EYS: variants seen among roughly 807,000 people sequenced by gnomAD.
The protein encoded by EYS is protein eyes shut homolog.
A neutral mutation model predicts 282.1 loss-of-function variants in EYS; 250 were observed. That is an observed-to-expected ratio of 0.89 (90% CI 0.80 to 0.98). The LOEUF is 0.98. Ranked by LOEUF, EYS falls within the 50% of genes least tolerant of loss-of-function variation. The pLI, the probability that EYS is intolerant of heterozygous loss-of-function variation, is 0.00. For synonymous variants in EYS, 1,355 were observed against 1,282.9 expected (o/e 1.06, Z -1.20); for missense variants, 4,016 against 3,709.0 (o/e 1.08, Z -2.15).
At chr6:64,091,881 C>T (rs1772375282) in intron 31 of EYS, among the ~76,000 whole-genome samples, 1 of 152,076 alleles carries the variant, frequency 6.6e-6, no homozygotes, top group Admixed American at 6.6e-5. Flanking sequence ...GGTATATCTC[C>T]TAATGCTATC....
intron 12 of EYS, among the ~76,000 whole-genome samples, chr6:65,059,389 C>T (rs958540315): frequency 5.9e-5 from 9 of 151,852 alleles, no homozygotes; most frequent in Non-Finnish European, 1.3e-4. Context: ...GCTATTTAGC[C>T]TTAACAAAAA....
intron 30 of EYS, among the ~76,000 whole-genome samples, chr6:64,261,412 C>G (rs568757776): frequency 6.6e-6 from 1 of 152,192 alleles, no homozygotes; most frequent in East Asian, 1.9e-4. Flanking sequence ...AAGATATAGA[C>G]ACGTAAATAA....
intron 19 of EYS, among the ~76,000 whole-genome samples, chr6:64,832,134 G>T (rs1037181116): frequency 6.6e-6 from 1 of 151,900 alleles, no homozygotes; most frequent in African/African-American, 2.4e-5. Flanking sequence ...TGAGGGCCCT[G>T]TGTATTAACT....
chr6:65,598,078 C>A (rs1335380015), intron 2 of EYS, among the ~76,000 whole-genome samples: 2 of 151,690 alleles, frequency 1.3e-5, no homozygotes, highest in Admixed American at 6.6e-5. Context: ...CTAAACCTGG[C>A]AACAGAACGA....
intron 2 of EYS, among the ~76,000 whole-genome samples, chr6:65,527,645 G>A (rs2127304405): frequency 6.6e-6 from 1 of 152,298 alleles, no homozygotes; most frequent in Non-Finnish European, 1.5e-5. Flanking sequence ...ATTTCCACTA[G>A]TCTATGTCTG....
chr6:64,495,512 T>C (rs187555553), intron 26 of EYS, among the ~76,000 whole-genome samples: 13 of 151,918 alleles, frequency 8.6e-5, no homozygotes, highest in African/African-American at 2.4e-4. Flanking sequence ...AACTCTTAAA[T>C]GAGTGAGACC....
At chr6:65,649,131 C>T (rs1361790355) in intron 1 of EYS, among the ~76,000 whole-genome samples, 3 of 101,864 alleles carry the variant, frequency 2.9e-5, no homozygotes, top group Non-Finnish European at 5.8e-5. Flanking sequence ...GAGCGAGACT[C>T]TGTCTCAAAA....
rs369149683 is a variant in EYS at position 64,381,752 on chromosome 6, T to C, written c.6078+6938A>G. Among the ~76,000 whole-genome samples, 16 of 152,356 alleles carry C rather than the reference T, an allele frequency of 1.1e-4. No individual in the cohort carries two copies. In the East Asian group the frequency reaches 2.9e-3, roughly 28 times the overall value. ...CTTCAACTTTTTAAGTGATGCCAGA[T>C]GGTTTTTTAATGCAGATTTAGAAAA... On this transcript the variant is annotated intron_variant, in intron 29 of 42. Coordinates refer to ENST00000503581, the MANE Select transcript of EYS (RefSeq NM_001142800.2).
At chr6:64,669,956 A>C (rs534153123) in intron 22 of EYS, among the ~76,000 whole-genome samples, 1 of 152,208 alleles carries the variant, frequency 6.6e-6, no homozygotes, top group East Asian at 1.9e-4. Flanking sequence ...AGAGCAATTA[A>C]CATAGAGAAC....
intron 12 of EYS, among the ~76,000 whole-genome samples, chr6:65,137,242 A>C (rs1776047933): frequency 6.6e-6 from 1 of 152,112 alleles, no homozygotes; most frequent in African/African-American, 2.4e-5. Flanking sequence ...AGTTTCTCTG[A>C]GGAAGTAAAG....
chr6:64,594,628 G>A (rs1282130569), intron 24 of EYS, among the ~76,000 whole-genome samples: 5 of 149,006 alleles, frequency 3.4e-5, no homozygotes, highest in Non-Finnish European at 5.9e-5. Context: ...ACTCACAGGT[G>A]GGAATTGAAC....
At chr6:64,866,500 C>A (rs2150051479) in intron 19 of EYS, among the ~76,000 whole-genome samples, 1 of 151,792 alleles carries the variant, frequency 6.6e-6, no homozygotes. Context: ...TATTCAACAG[C>A]CTTTAAAATA....
At chr6:63,876,057 T>A (rs1272675593) in intron 35 of EYS, among the ~76,000 whole-genome samples, 2 of 152,358 alleles carry the variant, frequency 1.3e-5, no homozygotes, top group African/African-American at 4.8e-5. Context: ...CTTTTAATTG[T>A]GTTGTTAGGG....
intron 33 of EYS, among the ~76,000 whole-genome samples, chr6:64,008,840 G>A (rs1032513668): frequency 7.2e-5 from 11 of 152,316 alleles, no homozygotes; most frequent in African/African-American, 2.6e-4. Flanking sequence ...TCTGCTGTTA[G>A]CCTGATGGGG....
chr6:64,602,332 A>G (rs1306813113), intron 24 of EYS, among the ~76,000 whole-genome samples: 1 of 152,104 alleles, frequency 6.6e-6, no homozygotes, highest in Non-Finnish European at 1.5e-5. Context: ...ATTTTTACCC[A>G]TAACTCGTTT....
At chr6:63,826,305 G>T (rs993429839) in intron 36 of EYS, among the ~76,000 whole-genome samples, 3 of 152,182 alleles carry the variant, frequency 2.0e-5, no homozygotes, top group African/African-American at 4.8e-5. Context: ...TAAAAGCCTG[G>T]AAAACGTATT....
chr6:64,592,963 A>T (rs1227118638), intron 25 of EYS, among the ~76,000 whole-genome samples, 154 bp downstream of exon 25: 1 of 152,130 alleles, frequency 6.6e-6, no homozygotes. Flanking sequence ...AACAAAACTT[A>T]AAACAGGAGT....
intron 5 of EYS, among the ~76,000 whole-genome samples, chr6:65,482,752 C>T (rs1765652036): frequency 6.6e-6 from 1 of 152,340 alleles, no homozygotes; most frequent in South Asian, 2.1e-4. Context: ...AAGTTACCAT[C>T]ATTGAATGCC....
intron 41 of EYS, among the ~76,000 whole-genome samples, chr6:63,755,596 T>A (rs895753124): frequency 6.6e-6 from 1 of 152,234 alleles, no homozygotes; most frequent in Non-Finnish European, 1.5e-5. Context: ...TTGCTTAGGA[T>A]TGTCCTGGCT....
Sources: allele counts gnomAD v4.1 joint callset (sites outside exome capture counted in the v4.1 genomes callset), GRCh38; gene constraint gnomAD v4.1.1; transcripts MANE v1.5; gene names NCBI Gene and HGNC (gene_info 2026-07-23, HGNC 2026-07-21).